The following ABCA4 variants were observed in gnomAD, a reference collection of about 807,000 sequenced individuals.
ABCA4 encodes retinal-specific phospholipid-transporting ATPase ABCA4.
A neutral mutation model predicts 263.7 loss-of-function variants in ABCA4; 196 were observed. The observed-to-expected ratio is 0.74, with a 90% CI of 0.66 to 0.84. ABCA4 has a LOEUF of 0.84. ABCA4 is among the 40% of genes least tolerant of loss of function. The pLI is 0.00. For missense variants in ABCA4, 2,792 were observed against 2,855.1 expected (o/e 0.98, Z 0.50); for synonymous variants, 1,133 against 1,094.2 (o/e 1.04, Z -0.70).
At chr1:94,090,330 G>GT (rs1219217964) in intron 6 of ABCA4, among the ~76,000 whole-genome samples, 10 of 149,746 alleles carry the variant, frequency 6.7e-5, no homozygotes. Flanking sequence ...TAATTCTAAA[G>GT]TTTTTTCATT....
intron 8 of ABCA4, among the ~76,000 whole-genome samples, chr1:94,080,155 C>T (rs1235181453): frequency 1.3e-5 from 2 of 152,194 alleles, no homozygotes; most frequent in Admixed American, 6.5e-5. Context: ...TGAGCTTCAC[C>T]TGGAACTCTG....
intron 17 of ABCA4, 23 bp from the exon 18 acceptor site, chr1:94,048,980 T>A: frequency 6.2e-7 from 1 of 1,611,910 alleles, no homozygotes; most frequent in African/African-American, 1.3e-5. Context: ...GAAGCCAGTG[T>A]TACTCTACCA....
intron 6 of ABCA4, among the ~76,000 whole-genome samples, chr1:94,092,058 G>A (rs1032731938): frequency 3.3e-5 from 5 of 152,240 alleles, no homozygotes; most frequent in Admixed American, 6.5e-5. Context: ...CACATGAAAT[G>A]TCTTAAGCAT....
At chr1:94,057,318 A>T (rs1253125352) in intron 14 of ABCA4, among the ~76,000 whole-genome samples, 1 of 152,172 alleles carries the variant, frequency 6.6e-6, no homozygotes, top group Non-Finnish European at 1.5e-5. Context: ...CTCTTTTAAT[A>T]GTATTTATTA....
chr1:93,999,128 C>T (rs141949394), intron 47 of ABCA4, among the ~76,000 whole-genome samples: 3,957 of 152,238 alleles, frequency 0.026, 74 homozygotes, highest in Non-Finnish European at 0.037. Context: ...TCACTGCAAC[C>T]TCTGCCTTCT....
rs748666179 is a variant in ABCA4, at chr1:94,062,559, C to A, written c.1937+18G>T. On this transcript the variant is annotated intron_variant, in intron 13 of 49. Transcript: ENST00000370225. ...CCATTAGCGTGTCATGGAGGAGGAT[C>A]GCGAACTTCAGACTCACGAATCGTC... The A allele has an allele frequency of 2.5e-6, 4 of 1,570,590 alleles. No homozygotes were observed. Among genetic ancestry groups the A allele is most frequent in the South Asian group, 1.1e-5 (1 of 90,664 alleles).
At chr1:94,043,524 CCA>C (rs746863175) in intron 20 of ABCA4, 49 bp from the exon 21 acceptor site, 2 of 1,611,270 alleles carry the variant, frequency 1.2e-6, no homozygotes, top group Admixed American at 3.3e-5. Flanking sequence ...ACTTCCACTT[CCA>C]GCAGCTGATC....
intron 19 of ABCA4, chr1:94,045,813 G>A (rs868168311): frequency 2.2e-6 from 1 of 456,270 alleles, no homozygotes; most frequent in Non-Finnish European, 4.4e-6. Context: ...TCCTTCCTGG[G>A]GCTCTCCAAA....
At chr1:94,097,813 A>G (rs954572421) in intron 6 of ABCA4, among the ~76,000 whole-genome samples, 15 of 152,114 alleles carry the variant, frequency 9.9e-5, no homozygotes, top group African/African-American at 2.7e-4. Context: ...GCAGTGGCGC[A>G]ATCTCGGCTC....
chr1:94,072,345 G>A (rs552310551), intron 11 of ABCA4, among the ~76,000 whole-genome samples: 6 of 152,248 alleles, frequency 3.9e-5, no homozygotes, highest in African/African-American at 9.6e-5. Flanking sequence ...AGGTATTTTC[G>A]TATTAAAATC....
At chr1:94,082,734 A>ATCTC (rs1158870153) in intron 7 of ABCA4, among the ~76,000 whole-genome samples, 3 of 152,066 alleles carry the variant, frequency 2.0e-5, no homozygotes, top group Non-Finnish European at 4.4e-5. Flanking sequence ...TTTTTTTCCC[A>ATCTC]TCTCTCTTTC....
At chr1:94,039,999 AT>A in intron 24 of ABCA4, 43 bp downstream of exon 24, 1 of 1,496,574 alleles carries the variant, frequency 6.7e-7, no homozygotes, top group Non-Finnish European at 9.2e-7. Context: ...ATACTGGGAG[AT>A]GGCTGCCAGA....
chr1:94,006,150 C>T lies in ABCA4; in HGVS notation c.6006-568G>A, dbSNP rs572731600. 5.3e-5 allele frequency among the ~76,000 whole-genome samples: 8 copies of T among 152,254 alleles called. No individual in the cohort carries two copies. The South Asian group carries it at 1.7e-3, about 32-fold the overall frequency. ...ATATATTGCCAAGATGGAAAATAAACTATACATAGACATTTAGTCTAATCT... is the reference window on the plus strand; with the variant it reads ...ATATATTGCCAAGATGGAAAATAAATTATACATAGACATTTAGTCTAATCT... On this transcript the variant is annotated intron_variant, in intron 43 of 49. Coordinates refer to ENST00000370225, the MANE Select transcript of ABCA4 (RefSeq NM_000350.3).
rs765644429 is a variant in ABCA4 at position 94,098,864 on chromosome 1, G to A, written c.698C>T (p.Ser233Phe). 1 of 1,614,182 alleles carries A rather than the reference G, an allele frequency of 6.2e-7. No homozygotes were observed. The highest frequency in any genetic ancestry group is 1.1e-5 in the South Asian group (1 of 91,080). Residue 233 changes from serine to phenylalanine, a missense_variant, in exon 6 of 50, where the codon TCC becomes TTC. Ser to Phe is a radical substitution (Grantham distance 155). Transcript: ENST00000370225. ...TTCTATCCACTGTAGGGTGCCCTGG[G>A]AGAGGGAGCACAGGGCATAGCGCAC... Reference protein sequence around the residue: ...KTVRYALCSLSQGTLQWIEDT... With the variant: ...KTVRYALCSLFQGTLQWIEDT...
chr1:94,108,741 A>ATAAC (rs1235117226), intron 3 of ABCA4, 25 bp from the exon 4 acceptor site: 1 of 1,613,026 alleles, frequency 6.2e-7, no homozygotes, highest in East Asian at 2.2e-5. Flanking sequence ...CCTCATTAAT[A>ATAAC]AGGAAATAGC....
chr1:94,037,867 A>G lies in ABCA4; in HGVS notation c.3608-517T>C, dbSNP rs536588651. Among the ~76,000 whole-genome samples, 4 of 152,264 alleles carry G rather than the reference A, an allele frequency of 2.6e-5. No homozygotes were observed. In the East Asian group the frequency reaches 7.7e-4, roughly 29 times the overall value. On this transcript the variant is annotated intron_variant, in intron 24 of 49. Transcript: ENST00000370225. ...ATCCTTTACATCATCTCGGTAAGAA[A>G]TCTCTTACTCATGGTTGTTTTTCAT... is the stretch of plus-strand genomic sequence containing the variant.
In ABCA4 at chr1:94,103,158, A is replaced by G. The variant is rs1662331768; in HGVS notation, c.443-16T>C. On this transcript the variant is annotated splice_polypyrimidine_tract_variant and intron_variant, in intron 4 of 49. Transcript: ENST00000370225. ...ATTCCTCTTCCTACATATGAATAAG[A>G]GAAAGAACAGGGTGTTGAAGGGGAA... 1 of 1,613,606 alleles carries G rather than the reference A, an allele frequency of 6.2e-7. No homozygotes were observed. The highest frequency in any genetic ancestry group is 1.1e-5 in the South Asian group (1 of 91,028).
intron 28 of ABCA4, 30 bp downstream of exon 28, chr1:94,030,966 G>A (rs764776858): frequency 3.1e-6 from 5 of 1,613,740 alleles, no homozygotes. Context: ...CAAACCCACA[G>A]AGGAGAATGG....
At chr1:93,996,667 T>C (rs1221114115) in intron 48 of ABCA4, among the ~76,000 whole-genome samples, 1 of 152,022 alleles carries the variant, frequency 6.6e-6, no homozygotes, top group East Asian at 1.9e-4. Context: ...TACTGAACTG[T>C]CTCTAAAGAT....
Sources: allele counts gnomAD v4.1 joint callset (sites outside exome capture counted in the v4.1 genomes callset), GRCh38; gene constraint gnomAD v4.1.1; transcripts MANE v1.5; gene names NCBI Gene and HGNC (gene_info 2026-07-23, HGNC 2026-07-21).